The following SPAG16 variants were observed in gnomAD, a reference collection of about 807,000 sequenced individuals.
The protein encoded by SPAG16 is sperm-associated antigen 16 protein.
SPAG16 carries 86 observed loss-of-function variants against 80.4 expected under a neutral mutation model. The ratio of observed to expected loss-of-function variants is 1.07; its 90% CI spans 0.90 to 1.28. The LOEUF (loss-of-function observed/expected upper bound fraction) is 1.28, where lower values mean the gene tolerates loss of function less well. Ranked by LOEUF, SPAG16 falls within the 50% of genes most tolerant of loss-of-function variation. SPAG16 has a pLI of 0.00. For synonymous variants in SPAG16, 294 were observed against 265.9 expected (o/e 1.11, Z -1.03); for missense variants, 870 against 765.3 (o/e 1.14, Z -1.61).
At chr2:214,369,845 C>A (rs1488541260) in intron 15 of SPAG16, among the ~76,000 whole-genome samples, 1 of 152,110 alleles carries the variant, frequency 6.6e-6, no homozygotes, top group Non-Finnish European at 1.5e-5. Context: ...GATATTCTAT[C>A]AATGATTTCT....
chr2:213,406,895 C>T (rs1376425967), intron 9 of SPAG16, among the ~76,000 whole-genome samples: 1 of 150,456 alleles, frequency 6.6e-6, no homozygotes, highest in Non-Finnish European at 1.5e-5. Flanking sequence ...CAAGACCCAC[C>T]CCAGTGCAAG....
chr2:213,426,487 A>G (rs2069923277), intron 9 of SPAG16, among the ~76,000 whole-genome samples: 2 of 151,870 alleles, frequency 1.3e-5, no homozygotes, highest in Non-Finnish European at 2.9e-5. Flanking sequence ...CTTTTTTCCT[A>G]TGGCTAATAA....
intron 4 of SPAG16, among the ~76,000 whole-genome samples, chr2:213,315,483 C>T (rs2063361484): frequency 6.6e-6 from 1 of 151,832 alleles, no homozygotes; most frequent in African/African-American, 2.4e-5. Context: ...TGAGTCATTC[C>T]CATAAGCATA....
At chr2:213,971,516 AT>A (rs972441442) in intron 12 of SPAG16, among the ~76,000 whole-genome samples, 19 of 152,140 alleles carry the variant, frequency 1.2e-4, no homozygotes, top group African/African-American at 3.4e-4. Flanking sequence ...ACAGTTTTCC[AT>A]TTTAACCATT....
chr2:213,719,977 C>A (rs2066440803), intron 10 of SPAG16, among the ~76,000 whole-genome samples: 1 of 152,136 alleles, frequency 6.6e-6, no homozygotes, highest in Admixed American at 6.5e-5. Context: ...GAAAATGTGG[C>A]ACATATTCAC....
chr2:213,648,652 C>T (rs1574642476), intron 10 of SPAG16, among the ~76,000 whole-genome samples: 1 of 152,110 alleles, frequency 6.6e-6, no homozygotes, highest in Non-Finnish European at 1.5e-5. Context: ...ATTGTCTCAT[C>T]TCTGCTGCTC....
chr2:213,516,854 T>C (rs1393010524), intron 10 of SPAG16, among the ~76,000 whole-genome samples: 2 of 152,074 alleles, frequency 1.3e-5, no homozygotes, highest in Non-Finnish European at 1.5e-5. Flanking sequence ...ATGGAAAAAA[T>C]AGAAAAAAGT....
chr2:213,288,470 A>G (rs1297958092), intron 1 of SPAG16, among the ~76,000 whole-genome samples: 2 of 134,448 alleles, frequency 1.5e-5, no homozygotes, highest in Non-Finnish European at 3.4e-5. Flanking sequence ...ACACCTGGCT[A>G]ATTTTTTTTT....
chr2:213,486,091 T>G (rs1310388075), intron 9 of SPAG16, among the ~76,000 whole-genome samples: 2 of 152,176 alleles, frequency 1.3e-5, no homozygotes, highest in Admixed American at 6.5e-5. Flanking sequence ...AATTATTCTC[T>G]TCTAGCTATT....
rs573942973 is a variant in SPAG16 at position 213,717,859 on chromosome 2, G to T, written c.1071-144626G>T. On this transcript the variant is annotated intron_variant, in intron 10 of 15. Coordinates refer to ENST00000331683, the MANE Select transcript of SPAG16 (RefSeq NM_024532.5). ...TGTCTTACTTTCCATTTTACAAAATGGGGTTTTAAACATAAGACCCAAAAC... is the reference window on the plus strand; with the variant it reads ...TGTCTTACTTTCCATTTTACAAAATTGGGTTTTAAACATAAGACCCAAAAC... Among the ~76,000 whole-genome samples, 7 of 152,044 alleles carry T rather than the reference G, an allele frequency of 4.6e-5. No individual in the cohort carries two copies. In the South Asian group the frequency reaches 1.5e-3, roughly 32 times the overall value.
chr2:213,979,373 T>C (rs1235091897), intron 12 of SPAG16, among the ~76,000 whole-genome samples: 2 of 152,118 alleles, frequency 1.3e-5, no homozygotes, highest in African/African-American at 2.4e-5. Flanking sequence ...CCCACCTGTA[T>C]TGTTCCTTTT....
intron 9 of SPAG16, among the ~76,000 whole-genome samples, chr2:213,383,063 A>G (rs1167775252): frequency 6.6e-6 from 1 of 152,148 alleles, no homozygotes; most frequent in African/African-American, 2.4e-5. Flanking sequence ...CCAGATCTTT[A>G]CATGATTCTC....
intron 1 of SPAG16, among the ~76,000 whole-genome samples, chr2:213,290,247 GTGCTACTAAA>G (rs1357689182): frequency 6.6e-6 from 1 of 152,204 alleles, no homozygotes; most frequent in African/African-American, 2.4e-5. Context: ...AAACTCACGA[GTGCTACTAAA>G]TTCCTTCCAG....
intron 10 of SPAG16, among the ~76,000 whole-genome samples, chr2:213,508,039 C>T (rs988526232): frequency 6.6e-6 from 1 of 152,200 alleles, no homozygotes; most frequent in Non-Finnish European, 1.5e-5. Flanking sequence ...GTATGCTTTG[C>T]TGTGGTGATT....
At chr2:214,088,504 A>G (rs1382757368) in intron 13 of SPAG16, among the ~76,000 whole-genome samples, 1 of 152,182 alleles carries the variant, frequency 6.6e-6, no homozygotes, top group African/African-American at 2.4e-5. Context: ...GCTTACAGGA[A>G]AAAAACTACA....
Position 213,828,510 on chromosome 2 carries a change from G to A in SPAG16, c.1071-33975G>A, listed in dbSNP as rs149578657. 5.1e-3 allele frequency among the ~76,000 whole-genome samples: 770 copies of A among 152,212 alleles called. 10 individuals are homozygous for A. Among genetic ancestry groups the A allele is most frequent in the Middle Eastern group, 6.8e-3 (2 of 294 alleles). Reference sequence around the variant, plus strand: ...AGACCACATATCTCTGTCTCTCTGGGATTGTTCCATGGTGCTGTATTTAGT... The same window carrying A: ...AGACCACATATCTCTGTCTCTCTGGAATTGTTCCATGGTGCTGTATTTAGT... On this transcript the variant is annotated intron_variant, in intron 10 of 15. Transcript: ENST00000331683.
intron 11 of SPAG16, among the ~76,000 whole-genome samples, chr2:213,873,291 T>C (rs2076021059): frequency 6.6e-6 from 1 of 152,074 alleles, no homozygotes; most frequent in Non-Finnish European, 1.5e-5. Context: ...CTCATATTTG[T>C]TGCCATGTTG....
chr2:213,481,075 A>G (rs1007031035), intron 9 of SPAG16, among the ~76,000 whole-genome samples: 2 of 152,218 alleles, frequency 1.3e-5, no homozygotes, highest in African/African-American at 4.8e-5. Flanking sequence ...AAGCCATTCA[A>G]TTCAGCAATT....
At chr2:214,261,639 C>T (rs1162603975) in intron 15 of SPAG16, among the ~76,000 whole-genome samples, 1 of 152,114 alleles carries the variant, frequency 6.6e-6, no homozygotes, top group East Asian at 1.9e-4. Flanking sequence ...TTTTGCTATT[C>T]AAATAAAAGT....
Sources: gnomAD v4.1 joint callset for allele counts (sites outside exome capture counted in the v4.1 genomes callset) on GRCh38, gnomAD v4.1.1 for gene constraint, MANE v1.5 for transcripts, NCBI Gene and HGNC (gene_info 2026-07-23, HGNC 2026-07-21) for gene names.